Variants in CACNB4 observed in about 807,000 individuals in gnomAD.
CACNB4 encodes calcium voltage-gated channel auxiliary subunit beta 4.
In CACNB4, 32 loss-of-function variants were observed where a neutral mutation model predicts 71.2. The observed-to-expected ratio is 0.45, with a 90% CI of 0.34 to 0.60. The LOEUF (loss-of-function observed/expected upper bound fraction) is 0.60, where lower values mean the gene tolerates loss of function less well. Ranked by LOEUF, CACNB4 falls within the 20% of genes least tolerant of loss-of-function variation. The pLI, the probability that CACNB4 is intolerant of heterozygous loss-of-function variation, is 0.01. For missense variants in CACNB4, 464 were observed against 647.9 expected, an observed-to-expected ratio of 0.72 and a Z score of 3.08; for synonymous variants, 231 against 236.9, an observed-to-expected ratio of 0.97 and a Z score of 0.23.
intron 2 of CACNB4, among the ~76,000 whole-genome samples, chr2:152,089,742 G>A (rs958511735): frequency 6.6e-6 from 1 of 151,672 alleles, no homozygotes; most frequent in African/African-American, 2.4e-5. Context: ...GACCAGCCTG[G>A]GCAATATGGT....
At chr2:151,933,882 AG>A (rs2151611555) in intron 2 of CACNB4, among the ~76,000 whole-genome samples, 1 of 126,336 alleles carries the variant, frequency 7.9e-6, no homozygotes, top group African/African-American at 5.8e-5. Context: ...ATAAAATTTC[AG>A]TGATCAAATT....
At chr2:151,859,392 A>C (rs2099841097) in intron 10 of CACNB4, 1 of 152,202 alleles carries the variant, frequency 6.6e-6, no homozygotes, top group Non-Finnish European at 1.5e-5. Context: ...CTCACCATAC[A>C]TTAGAAGGAG....
chr2:152,012,398 G>A (rs1465862873), intron 2 of CACNB4, among the ~76,000 whole-genome samples: 2 of 152,176 alleles, frequency 1.3e-5, no homozygotes, highest in Non-Finnish European at 2.9e-5. Context: ...GAAGTCAGGA[G>A]TTCCAGACCA....
chr2:151,930,099 A>G (rs1282654221), intron 2 of CACNB4, among the ~76,000 whole-genome samples: 1 of 152,188 alleles, frequency 6.6e-6, no homozygotes, highest in Non-Finnish European at 1.5e-5. Flanking sequence ...GCCAAATATG[A>G]AAATGTATTA....
chr2:151,970,469 A>C (rs1372792701), intron 2 of CACNB4: 1 of 152,248 alleles, frequency 6.6e-6, no homozygotes, highest in East Asian at 1.9e-4. Context: ...ATAATTCCAC[A>C]AACATCAAAA....
At chr2:151,876,170 T>C (rs570557564) in intron 5 of CACNB4, among the ~76,000 whole-genome samples, 1 of 152,108 alleles carries the variant, frequency 6.6e-6, no homozygotes, top group East Asian at 1.9e-4. Flanking sequence ...GTGACTCTCC[T>C]AGAGGAAAGC....
chr2:151,847,554 C>T (rs1168199268), intron 12 of CACNB4, among the ~76,000 whole-genome samples: 1 of 152,108 alleles, frequency 6.6e-6, no homozygotes, highest in African/African-American at 2.4e-5. Context: ...ACTCACTGGT[C>T]AACTAATGAT....
intron 12 of CACNB4, among the ~76,000 whole-genome samples, chr2:151,842,587 G>A (rs1264632097): frequency 1.3e-5 from 2 of 151,774 alleles, no homozygotes; most frequent in African/African-American, 4.8e-5. Context: ...ACCTGCCTTG[G>A]CTCCCAAAGT....
At chr2:152,085,643 C>A (rs541670431) in intron 2 of CACNB4, among the ~76,000 whole-genome samples, 2 of 152,204 alleles carry the variant, frequency 1.3e-5, no homozygotes, top group South Asian at 4.2e-4. Flanking sequence ...CCCAAACCCA[C>A]ACTTGGGTGT....
intron 12 of CACNB4, among the ~76,000 whole-genome samples, chr2:151,843,142 A>G (rs2099836652): frequency 6.6e-6 from 1 of 152,120 alleles, no homozygotes; most frequent in African/African-American, 2.4e-5. Context: ...TGTACTCAGG[A>G]AGTTGTTCTG....
chr2:152,030,719 T>C (rs755997305), intron 2 of CACNB4, among the ~76,000 whole-genome samples: 4 of 152,232 alleles, frequency 2.6e-5, no homozygotes, highest in East Asian at 1.9e-4. Context: ...GTCCCTGCAA[T>C]AGTTTGCTGA....
intron 2 of CACNB4, among the ~76,000 whole-genome samples, chr2:151,963,063 A>T (rs1241073202): frequency 2.6e-5 from 4 of 152,158 alleles, no homozygotes; most frequent in Non-Finnish European, 5.9e-5. Flanking sequence ...CTGTAATCCC[A>T]GTACTTTGGG....
intron 2 of CACNB4, among the ~76,000 whole-genome samples, chr2:152,040,775 A>G (rs1684834158): frequency 6.6e-6 from 1 of 152,254 alleles, no homozygotes; most frequent in Non-Finnish European, 1.5e-5. Flanking sequence ...TTTCAAGATT[A>G]GCAAAACCTT....
At chr2:151,858,727 C>T (rs1178104826) in intron 10 of CACNB4, 3 of 152,192 alleles carry the variant, frequency 2.0e-5, no homozygotes, top group South Asian at 2.1e-4. Flanking sequence ...CAAATCACAC[C>T]ACCAACTTCC....
intron 2 of CACNB4, among the ~76,000 whole-genome samples, chr2:151,992,807 T>A (rs753367931): frequency 2.6e-5 from 4 of 152,236 alleles, no homozygotes; most frequent in Non-Finnish European, 5.9e-5. Flanking sequence ...ACTTAGCCAA[T>A]GTAAGCTGAG....
At chr2:151,860,454 G>A (rs1467067899) in intron 10 of CACNB4, 23 of 493,318 alleles carry the variant, frequency 4.7e-5, no homozygotes, top group Middle Eastern at 5.2e-4. Flanking sequence ...AGTTAGGCAG[G>A]AAAAGACTAG....
At chr2:151,907,439 T>C (rs2099855096) in intron 2 of CACNB4, among the ~76,000 whole-genome samples, 1 of 152,220 alleles carries the variant, frequency 6.6e-6, no homozygotes, top group Non-Finnish European at 1.5e-5. Context: ...GTTGCAAAGA[T>C]AGTACAGAGT....
At chr2:152,070,345 T>G (rs1686612403) in intron 2 of CACNB4, among the ~76,000 whole-genome samples, 1 of 152,316 alleles carries the variant, frequency 6.6e-6, no homozygotes, top group Middle Eastern at 3.4e-3. Flanking sequence ...TATCTTTTCA[T>G]GCTTTATTAG....
chr2:152,088,154 CACACACACACACACAT>C (rs1419615781), intron 2 of CACNB4, among the ~76,000 whole-genome samples: 3 of 150,664 alleles, frequency 2.0e-5, no homozygotes, highest in African/African-American at 7.4e-5. Flanking sequence ...CACACACACA[CACACACACACACACAT>C]ACACACACAC....
Sources: gnomAD v4.1 joint callset for allele counts (sites outside exome capture counted in the v4.1 genomes callset) on GRCh38, gnomAD v4.1.1 for gene constraint, MANE v1.5 for transcripts, NCBI Gene and HGNC (gene_info 2026-07-23, HGNC 2026-07-21) for gene names.